CELF2: variants seen among roughly 807,000 people sequenced by gnomAD.
The protein encoded by CELF2 is CUGBP Elav-like family member 2.
A neutral mutation model predicts 62.6 loss-of-function variants in CELF2; 8 were observed. The observed-to-expected ratio is 0.13, with a 90% CI of 0.07 to 0.23. The LOEUF is 0.23. CELF2 is among the 10% of genes least tolerant of loss of function. The pLI, the probability that CELF2 is intolerant of heterozygous loss-of-function variation, is 1.00. For synonymous variants in CELF2, 258 were observed against 250.0 expected, an observed-to-expected ratio of 1.03 and a Z score of -0.30; for missense variants, 333 against 671.0, an observed-to-expected ratio of 0.50 and a Z score of 5.56.
At chr10:11,076,065 C>A (rs896532715) in intron 1 of CELF2, among the ~76,000 whole-genome samples, 2 of 151,738 alleles carry the variant, frequency 1.3e-5, no homozygotes, top group African/African-American at 4.8e-5. Context: ...CAAGTCAGAT[C>A]CATTGTGGGT....
chr10:10,561,240 C>G, the CELF2 span, among the ~76,000 whole-genome samples: 1 of 152,114 alleles, frequency 6.6e-6, no homozygotes, highest in African/African-American at 2.4e-5. Context: ...CTACCAGACC[C>G]ATGACTATTT....
chr10:10,543,094 G>T, the CELF2 span, among the ~76,000 whole-genome samples: 18 of 152,270 alleles, frequency 1.2e-4, no homozygotes, highest in East Asian at 3.1e-3. Flanking sequence ...TCTGAATTAG[G>T]TTGAAGACTT....
chr10:11,057,449 A>C (rs577089514), intron 1 of CELF2, among the ~76,000 whole-genome samples: 1 of 152,322 alleles, frequency 6.6e-6, no homozygotes, highest in South Asian at 2.1e-4. Context: ...TATAGAGAAA[A>C]CAGGAGAAAA....
In CELF2 at chr10:11,232,023, G is replaced by C. The variant is rs949396225; in HGVS notation, c.354+14516G>C. 1.2e-4 allele frequency among the ~76,000 whole-genome samples: 18 copies of C among 152,022 alleles called. No homozygotes were observed. In the East Asian group the frequency reaches 3.3e-3, roughly 28 times the overall value. On this transcript the variant is annotated intron_variant, in intron 3 of 12. Transcript: ENST00000633077. ...TTTTTTTATTATACTTTAAGTTTTA[G>C]GGTACATGTGCACAACGTGCAGGTT...
intron 1 of CELF2, among the ~76,000 whole-genome samples, chr10:11,105,312 A>C (rs568783369): frequency 1.1e-3 from 171 of 152,278 alleles, no homozygotes; most frequent in African/African-American, 3.8e-3. Context: ...CCTGTGCTTT[A>C]AATTCATCAG....
At chr10:10,647,375 C>T in the CELF2 span, among the ~76,000 whole-genome samples, 16 of 152,282 alleles carry the variant, frequency 1.1e-4, no homozygotes, top group African/African-American at 3.4e-4. Flanking sequence ...ACATAAAAGC[C>T]GTTTTAGATT....
the CELF2 span, among the ~76,000 whole-genome samples, chr10:10,773,734 T>G: frequency 1.3e-5 from 2 of 152,212 alleles, no homozygotes; most frequent in African/African-American, 4.8e-5. Flanking sequence ...CAGCCCTCCA[T>G]GCTCCACAGT....
chr10:11,166,014 C>T (rs902098966), intron 2 of CELF2, among the ~76,000 whole-genome samples: 5 of 152,358 alleles, frequency 3.3e-5, no homozygotes, highest in Middle Eastern at 3.4e-3. Context: ...TCCGAGGAAT[C>T]GCGTTTCCCA....
At chr10:10,806,959 G>A (rs1287576653) in intron 1 of CELF2, among the ~76,000 whole-genome samples, 4 of 152,244 alleles carry the variant, frequency 2.6e-5, no homozygotes, top group East Asian at 1.9e-4. Context: ...TGTTGTCCAC[G>A]GTTACCCCCC....
chr10:11,017,089 A>G (rs576422101), upstream of CELF2, among the ~76,000 whole-genome samples: 48 of 152,358 alleles, frequency 3.2e-4, no homozygotes, highest in South Asian at 7.7e-3. This position sits in a 1 kb window ranked among gnomAD's most constrained non-coding sequence, Gnocchi z 5.5. Context: ...CAAATCACTT[A>G]AAAATTAAAC....
the CELF2 span, among the ~76,000 whole-genome samples, chr10:10,512,322 G>T: frequency 2.0e-5 from 3 of 150,014 alleles, no homozygotes; most frequent in African/African-American, 7.3e-5. Flanking sequence ...CAATAGAAAA[G>T]AATGAATTCT....
chr10:10,665,415 T>A, the CELF2 span, among the ~76,000 whole-genome samples: 1 of 152,190 alleles, frequency 6.6e-6, no homozygotes, highest in Non-Finnish European at 1.5e-5. Context: ...TATATATATA[T>A]AAATGTATGT....
intron 3 of CELF2, among the ~76,000 whole-genome samples, chr10:11,231,818 T>G (rs1435498983): frequency 1.3e-5 from 2 of 151,012 alleles, no homozygotes; most frequent in African/African-American, 2.4e-5. Flanking sequence ...CTCTTCTCTT[T>G]CCCCTCTCTT....
the CELF2 span, among the ~76,000 whole-genome samples, chr10:10,704,892 A>AT: frequency 3.8e-3 from 547 of 145,864 alleles, 3 homozygotes; most frequent in Admixed American, 9.9e-3. Flanking sequence ...CTTATATAAG[A>AT]TTTTTTTTTT....
chr10:10,629,059 A>G, the CELF2 span, among the ~76,000 whole-genome samples: 1 of 152,142 alleles, frequency 6.6e-6, no homozygotes, highest in African/African-American at 2.4e-5. Context: ...CTCCCTAGAG[A>G]GTTCATTCAT....
chr10:10,557,989 AT>A, the CELF2 span, among the ~76,000 whole-genome samples: 2 of 139,686 alleles, frequency 1.4e-5, no homozygotes, highest in Non-Finnish European at 3.1e-5. Context: ...AACAGGGACA[AT>A]TTGACTTCCT....
intron 1 of CELF2, among the ~76,000 whole-genome samples, chr10:11,084,124 C>G (rs918759902): frequency 2.0e-5 from 3 of 152,190 alleles, no homozygotes; most frequent in African/African-American, 4.8e-5. Context: ...TCATTTTCCT[C>G]CAGAAGAATT....
chr10:11,146,297 A>G (rs1358844604), intron 1 of CELF2, among the ~76,000 whole-genome samples: 1 of 152,248 alleles, frequency 6.6e-6, no homozygotes, highest in African/African-American at 2.4e-5. Context: ...GGGTTTTCCA[A>G]AAGGACCCAA....
intron 1 of CELF2, among the ~76,000 whole-genome samples, chr10:10,820,377 T>C (rs1423734435): frequency 6.6e-6 from 1 of 152,188 alleles, no homozygotes; most frequent in Non-Finnish European, 1.5e-5. Flanking sequence ...CCAACTCTTC[T>C]CAACTTTGAT....
Sources: allele counts gnomAD v4.1 joint callset (sites outside exome capture counted in the v4.1 genomes callset), GRCh38; gene constraint gnomAD v4.1.1; non-coding constraint Gnocchi (gnomAD v3.1); transcripts MANE v1.5; gene names NCBI Gene and HGNC (gene_info 2026-07-23, HGNC 2026-07-21).